Variants in SH2D4B observed in about 807,000 individuals in gnomAD.
The protein encoded by SH2D4B is SH2 domain containing 4B, also known as SH2 domain-containing protein 4B.
SH2D4B carries 45 observed loss-of-function variants against 61.5 expected under a neutral mutation model. The ratio of observed to expected loss-of-function variants is 0.73; its 90% CI spans 0.58 to 0.94. SH2D4B has a LOEUF of 0.94. Ranked by LOEUF, SH2D4B falls within the 40% of genes least tolerant of loss-of-function variation. The pLI, the probability that SH2D4B is intolerant of heterozygous loss-of-function variation, is 0.00. For synonymous variants in SH2D4B, 224 were observed against 220.4 expected, an observed-to-expected ratio of 1.02 and a Z score of -0.14; for missense variants, 572 against 574.2, an observed-to-expected ratio of 1.00 and a Z score of 0.04.
At chr10:80,544,334 A>G (rs916585880) in intron 1 of SH2D4B, among the ~76,000 whole-genome samples, 1 of 152,192 alleles carries the variant, frequency 6.6e-6, no homozygotes, top group East Asian at 1.9e-4. Context: ...AACTCCGAAC[A>G]CATCTGAACA....
At chr10:80,626,401 G>C (rs1842767848) in intron 6 of SH2D4B, among the ~76,000 whole-genome samples, 2 of 152,216 alleles carry the variant, frequency 1.3e-5, no homozygotes, top group South Asian at 4.1e-4. Context: ...TTTCTGTCTG[G>C]TTGACAAAAG....
chr10:80,571,412 T>G lies in SH2D4B; in HGVS notation c.348-19T>G. 6.2e-7 allele frequency: 1 copy of G among 1,612,878 alleles called. No individual in the cohort carries two copies. The highest frequency in any genetic ancestry group is 1.3e-5 in the African/African-American group (1 of 74,962). On this transcript the variant is annotated intron_variant, in intron 2 of 7. Transcript: ENST00000646907. ...TCAGTTTTTCACACAAGCTTATACC[T>G]GTGGTGCTCTCTTGGTAGGAGACAG...
chr10:80,554,181 TAAGAG>T (rs1841797305), intron 1 of SH2D4B, among the ~76,000 whole-genome samples: 1 of 152,224 alleles, frequency 6.6e-6, no homozygotes, highest in Admixed American at 6.5e-5. Context: ...GCATCTGTGT[TAAGAG>T]AACACATCGC....
chr10:80,544,671 T>C (rs1282836915), intron 1 of SH2D4B, among the ~76,000 whole-genome samples: 1 of 152,236 alleles, frequency 6.6e-6, no homozygotes, highest in African/African-American at 2.4e-5. Flanking sequence ...GCCCTGCACC[T>C]GCCTGCAGAC....
chr10:80,577,064 G>C (rs1030545664), intron 3 of SH2D4B, among the ~76,000 whole-genome samples: 16 of 152,238 alleles, frequency 1.1e-4, no homozygotes, highest in African/African-American at 3.6e-4. Flanking sequence ...ACTGCGCCTG[G>C]ACTGATACAA....
chr10:80,543,406 G>A (rs1214404419), intron 1 of SH2D4B, among the ~76,000 whole-genome samples: 3 of 152,172 alleles, frequency 2.0e-5, no homozygotes, highest in East Asian at 1.9e-4. Context: ...TGGGCCAGCA[G>A]CTGCTGTGCT....
chr10:80,539,916 G>A lies in SH2D4B; in HGVS notation c.184+1401G>A, dbSNP rs1474705769. Among the ~76,000 whole-genome samples the A allele has an allele frequency of 6.6e-6, 1 of 152,146 alleles. No homozygotes were observed. The highest frequency in any genetic ancestry group is 1.5e-5 in the Non-Finnish European group (1 of 68,024). On this transcript the variant is annotated intron_variant, in intron 1 of 7. Transcript: ENST00000646907. This position sits in a 1 kb window ranked among gnomAD's most constrained non-coding sequence, Gnocchi z 4.9. The stretch of plus-strand genomic sequence containing the variant: ...TGCTGCCAAAGCTGGGGCCTTCCGG[G>A]CTGGGCTGCGCTGGCAGCTGCATCA...
intron 1 of SH2D4B, among the ~76,000 whole-genome samples, chr10:80,544,952 ATC>A (rs1564764171): frequency 1.3e-5 from 2 of 152,016 alleles, no homozygotes; most frequent in Admixed American, 6.5e-5. Flanking sequence ...GTCATCATTC[ATC>A]TCTCGGTTGA....
intron 4 of SH2D4B, among the ~76,000 whole-genome samples, chr10:80,601,337 CT>C (rs1179394602): frequency 6.6e-6 from 1 of 152,178 alleles, no homozygotes; most frequent in Non-Finnish European, 1.5e-5. Flanking sequence ...TTATTGGTCT[CT>C]TTTTTAAATG....
chr10:80,578,883 T>C (rs1842156084), intron 3 of SH2D4B, among the ~76,000 whole-genome samples: 1 of 151,946 alleles, frequency 6.6e-6, no homozygotes, highest in Non-Finnish European at 1.5e-5. Context: ...TATAGCAAAA[T>C]GGTGGTGGTG....
At chr10:80,589,000 C>CTTTT (rs200753787) in intron 4 of SH2D4B, among the ~76,000 whole-genome samples, 1,920 of 147,138 alleles carry the variant, frequency 0.013, 36 homozygotes, top group African/African-American at 0.045. Context: ...TTTTCTTTTT[C>CTTTT]TTTTTTTTTT....
At chr10:80,642,601 A>G (rs1233775774) in intron 7 of SH2D4B, among the ~76,000 whole-genome samples, 1 of 152,232 alleles carries the variant, frequency 6.6e-6, no homozygotes, top group African/African-American at 2.4e-5. Context: ...TAATCCGTAT[A>G]CCAAACCTTG....
intron 5 of SH2D4B, among the ~76,000 whole-genome samples, chr10:80,608,766 A>T (rs11186258): frequency 0.43 from 64,673 of 151,784 alleles, 14,049 homozygotes; most frequent in East Asian, 0.66. Context: ...CCGCCTCCGT[A>T]TCCTCTGTCA....
chr10:80,550,526 G>C (rs1841745474), intron 1 of SH2D4B, among the ~76,000 whole-genome samples: 1 of 152,036 alleles, frequency 6.6e-6, no homozygotes. Flanking sequence ...CCCAGGAGGT[G>C]GAGCTTGCAG....
intron 6 of SH2D4B, among the ~76,000 whole-genome samples, chr10:80,634,065 C>T (rs1426841579): frequency 2.6e-5 from 4 of 152,308 alleles, no homozygotes; most frequent in South Asian, 2.1e-4. Flanking sequence ...AAACTCTGCC[C>T]CCAGGCTCAC....
chr10:80,543,338 G>T (rs1301524962), intron 1 of SH2D4B, among the ~76,000 whole-genome samples: 1 of 152,092 alleles, frequency 6.6e-6, no homozygotes. Flanking sequence ...CCCCGCACTC[G>T]GAGCGGCCGG....
At chr10:80,578,264 G>A (rs1186840691) in intron 3 of SH2D4B, among the ~76,000 whole-genome samples, 1 of 152,198 alleles carries the variant, frequency 6.6e-6, no homozygotes, top group African/African-American at 2.4e-5. Flanking sequence ...TCTTTCAACA[G>A]TAGGGTTCTA....
intron 1 of SH2D4B, among the ~76,000 whole-genome samples, chr10:80,553,001 T>C (rs1012721096): frequency 6.6e-6 from 1 of 152,070 alleles, no homozygotes; most frequent in Non-Finnish European, 1.5e-5. Flanking sequence ...CTGCAACCTC[T>C]GCCTCCCGGA....
intron 1 of SH2D4B, among the ~76,000 whole-genome samples, chr10:80,546,046 CTTTT>C (rs577179576): frequency 5.4e-5 from 7 of 130,418 alleles, no homozygotes; most frequent in African/African-American, 1.7e-4. Context: ...CTCTCTCTTT[CTTTT>C]TTTTTTTTTT....
Sources: allele counts gnomAD v4.1 joint callset (sites outside exome capture counted in the v4.1 genomes callset), GRCh38; gene constraint gnomAD v4.1.1; non-coding constraint Gnocchi (gnomAD v3.1); transcripts MANE v1.5; gene names NCBI Gene and HGNC (gene_info 2026-07-23, HGNC 2026-07-21).